The following F2 variants were observed in gnomAD, a reference collection of about 807,000 sequenced individuals.
The protein encoded by F2 is coagulation factor II, thrombin.
F2 carries 34 observed loss-of-function variants against 81.9 expected under a neutral mutation model. The ratio of observed to expected loss-of-function variants is 0.42; its 90% CI spans 0.32 to 0.55. The LOEUF (loss-of-function observed/expected upper bound fraction) is 0.55. Ranked by LOEUF, F2 falls within the 20% of genes least tolerant of loss-of-function variation. The pLI, the probability that F2 is intolerant of heterozygous loss-of-function variation, is 0.18. For synonymous variants in F2, 296 were observed against 326.4 expected (o/e 0.91, Z 1.01); for missense variants, 630 against 833.4 (o/e 0.76, Z 3.00).
chr11:46,729,557 T>G lies in F2; in HGVS notation c.1650T>G (p.Cys550Trp), dbSNP rs1485299512. The G allele has an allele frequency of 1.2e-6, 2 of 1,612,502 alleles. No homozygotes were observed. Among genetic ancestry groups the G allele is most frequent in the Non-Finnish European group, 1.7e-6 (2 of 1,178,888 alleles). The change falls in exon 12 of 14, where the codon TGT becomes TGG. Residue 550 changes from cysteine (C) to tryptophan (W), a missense_variant. By Grantham distance (215) the Cys-to-Trp change is radical (BLOSUM62 -2). Transcript: ENST00000311907. ...TCCGCATCACTGACAACATGTTCTG[T>G]GCTGGCAAGTCTGTGCAGGGCGGGC... ...TRIRITDNMFCAGYKPDEGKR... is the reference protein window; with the variant it reads ...TRIRITDNMFWAGYKPDEGKR...
chr11:46,726,558 A>G lies in F2; in HGVS notation c.935A>G (p.Glu312Gly), dbSNP rs1158727327. ...GLDEDSDRAI[E>G]GRTATSEYQT... ...GATGAGGACTCAGACAGGGCCATCG[A>G]AGGGCGTACCGCCACCAGTGAGTAC... Residue 312 changes from glutamate (E) to glycine (G), a missense_variant, in exon 8 of 14, where the codon GAA becomes GGA. Physicochemically the swap from Glu to Gly is moderately conservative, Grantham distance 98. Coordinates refer to ENST00000311907, the MANE Select transcript of F2 (RefSeq NM_000506.5). This position sits in a 1 kb window ranked among gnomAD's most constrained non-coding sequence, Gnocchi z 5.9. 1 of 1,614,118 alleles carries G rather than the reference A, an allele frequency of 6.2e-7. No individual in the cohort carries two copies. The highest frequency in any genetic ancestry group is 1.7e-5 in the Admixed American group (1 of 60,028).
At position 46,726,347 on chromosome 11, in the gene F2, C is replaced by G; in HGVS notation, c.875-151C>G. 1 of 1,457,728 alleles carries G rather than the reference C, an allele frequency of 6.9e-7. No individual in the cohort carries two copies. Among genetic ancestry groups the G allele is most frequent in the Non-Finnish European group, 9.3e-7 (1 of 1,070,216 alleles). 90.3% of individuals were successfully genotyped at this position (1,457,728 alleles called of 1,614,324 possible). The stretch of plus-strand genomic sequence containing the variant: ...TTTCACAGATAAGTACACTGAGGCC[C>G]CAGGAGGTTATTGCCTAGTAGCCCA... On this transcript the variant is annotated intron_variant, in intron 7 of 13. Transcript: ENST00000311907. The surrounding 1 kb of genome is among the most constrained non-coding windows in gnomAD (Gnocchi z 5.9).
At chr11:46,729,097 G>A (rs2064894383) in intron 11 of F2, among the ~76,000 whole-genome samples, 1 of 152,102 alleles carries the variant, frequency 6.6e-6, no homozygotes, top group Admixed American at 6.6e-5. Context: ...CTGGGTTCAA[G>A]CGACTCTCCT....
intron 12 of F2, among the ~76,000 whole-genome samples, chr11:46,734,883 G>A (rs1397596014): frequency 2.0e-5 from 3 of 152,128 alleles, no homozygotes; most frequent in Non-Finnish European, 4.4e-5. Context: ...ATTCACTCAT[G>A]TTTTCTTCTA....
chr11:46,725,082 T>G (rs575860929), intron 6 of F2, among the ~76,000 whole-genome samples: 5 of 136,226 alleles, frequency 3.7e-5, no homozygotes, highest in Non-Finnish European at 6.3e-5. Context: ...TTTTTTTTTT[T>G]TTTTTGAGAT....
At chr11:46,720,665 C>G in intron 3 of F2, 118 bp downstream of exon 3, 2 of 1,497,166 alleles carry the variant, frequency 1.3e-6, no homozygotes, top group African/African-American at 1.4e-5. Context: ...CTTCCCCACT[C>G]CTTCCTTGGT....
intron 12 of F2, among the ~76,000 whole-genome samples, chr11:46,737,892 GGC>G (rs1333683242): frequency 1.3e-4 from 19 of 150,752 alleles, no homozygotes; most frequent in Non-Finnish European, 2.5e-4. Context: ...GGAGTGCAGT[GGC>G]ACAGTCATAG....
At chr11:46,721,695 A>G (rs1415723271) in intron 4 of F2, among the ~76,000 whole-genome samples, 1 of 151,986 alleles carries the variant, frequency 6.6e-6, no homozygotes, top group Non-Finnish European at 1.5e-5. Flanking sequence ...CAAAAATGGA[A>G]CTCTTTGTTT....
At chr11:46,729,275 C>T (rs2064895581) in intron 11 of F2, 105 bp from the exon 12 acceptor site, 1 of 1,307,802 alleles carries the variant, frequency 7.6e-7, no homozygotes, top group Non-Finnish European at 1.1e-6. Flanking sequence ...CGTCTGTGCC[C>T]AGCCAGCTCT....
At position 46,728,904 on chromosome 11, in the gene F2, G is replaced by C; in HGVS notation, c.1472+67G>C. ...GTTCTGGGCCTGGCTCTGATACCAAGTAGCCTTGCAAGAGCCCCTTTCCCT... is the reference window on the plus strand; with the variant it reads ...GTTCTGGGCCTGGCTCTGATACCAACTAGCCTTGCAAGAGCCCCTTTCCCT... On this transcript the variant is annotated intron_variant, in intron 11 of 13. Coordinates refer to ENST00000311907, the MANE Select transcript of F2 (RefSeq NM_000506.5). The surrounding 1 kb of genome is among the most constrained non-coding windows in gnomAD (Gnocchi z 5.1). 6.4e-7 allele frequency: 1 copy of C among 1,572,244 alleles called. No homozygotes were observed. The highest frequency in any genetic ancestry group is 8.7e-7 in the Non-Finnish European group (1 of 1,147,230).
chr11:46,725,963 C>T lies in F2; in HGVS notation c.664C>T (p.Gln222Ter). ...TGTCCCTGATCGGGGGCAGCAGTAC[C>T]AGGGGCGCCTGGCGGTGACCACACA... ...QCVPDRGQQY[Q>*]GRLAVTTHGL... is the part of the protein sequence containing the mutation. Residue 222 changes from glutamine to a stop codon, truncating the protein, a stop_gained, in exon 7 of 14, where the codon CAG becomes TAG. Coordinates refer to ENST00000311907, the MANE Select transcript of F2 (RefSeq NM_000506.5). LOFTEE classifies it high-confidence loss of function. 1.2e-6 allele frequency: 2 copies of T among 1,613,950 alleles called. No homozygotes were observed. The highest frequency in any genetic ancestry group is 1.7e-6 in the Non-Finnish European group (2 of 1,180,022).
At position 46,725,991 on chromosome 11, in the gene F2, G is replaced by C; in HGVS notation, c.692G>C (p.Gly231Ala). The change falls in exon 7 of 14, where the codon GGG (glycine) becomes GCG (alanine). Residue 231 changes from glycine to alanine, a missense_variant. Gly to Ala is a moderately conservative substitution (Grantham distance 60, BLOSUM62 0). Transcript: ENST00000311907. The stretch of plus-strand genomic sequence containing the variant: ...GGGCGCCTGGCGGTGACCACACATG[G>C]GCTCCCCTGCCTGGCCTGGGCCAGC... ...YQGRLAVTTH[G>A]LPCLAWASAQ... is the part of the protein sequence containing the mutation. 6.2e-7 allele frequency: 1 copy of C among 1,613,936 alleles called. No homozygotes were observed. The highest frequency in any genetic ancestry group is 1.3e-5 in the African/African-American group (1 of 75,048).
At position 46,719,961 on chromosome 11, in the gene F2, C is replaced by G. The variant is rs1211924529; in HGVS notation, c.240+99C>G. The stretch of plus-strand genomic sequence containing the variant: ...AGCGAGGAACGCCACAGCCCCTTCG[C>G]TGCTCACAGCCTCATTTCAACTCTG... On this transcript the variant is annotated intron_variant, in intron 2 of 13. Coordinates refer to ENST00000311907, the MANE Select transcript of F2 (RefSeq NM_000506.5). The surrounding 1 kb of genome is among the most constrained non-coding windows in gnomAD (Gnocchi z 4.7). 2.7e-6 allele frequency: 4 copies of G among 1,456,168 alleles called. No individual in the cohort carries two copies. The African/African-American group carries it at 5.6e-5, about 20-fold the overall frequency. 90.2% of individuals were successfully genotyped at this position (1,456,168 alleles called of 1,614,324 possible). A position where few individuals can be genotyped will look rare whatever the true frequency, so the allele number is the denominator to read the frequency against.
intron 12 of F2, among the ~76,000 whole-genome samples, chr11:46,730,511 G>A (rs900647374): frequency 6.6e-6 from 1 of 151,710 alleles, no homozygotes; most frequent in Non-Finnish European, 1.5e-5. Flanking sequence ...GGGAGGCCTG[G>A]GGGGCTGAGG....
At position 46,726,913 on chromosome 11, in the gene F2, C is replaced by G. The variant is rs2064878195; in HGVS notation, c.1130+76C>G. On this transcript the variant is annotated intron_variant, in intron 9 of 13. Coordinates refer to ENST00000311907, the MANE Select transcript of F2 (RefSeq NM_000506.5). The surrounding 1 kb of genome is among the most constrained non-coding windows in gnomAD (Gnocchi z 5.9). ...GCTGGACCCCCACCCTCAGGCCCTG[C>G]CTGCAGGCCTGGGCTTTACAGATGA... 6.3e-7 allele frequency: 1 copy of G among 1,599,532 alleles called. No individual in the cohort carries two copies. The highest frequency in any genetic ancestry group is 8.5e-7 in the Non-Finnish European group (1 of 1,169,904).
At position 46,726,774 on chromosome 11, in the gene F2, T is replaced by C. The variant is rs756068934; in HGVS notation, c.1067T>C (p.Leu356Pro). 2 of 1,614,228 alleles carry C rather than the reference T, an allele frequency of 1.2e-6. No individual in the cohort carries two copies. Among genetic ancestry groups the C allele is most frequent in the Admixed American group, 3.3e-5 (2 of 60,026 alleles). ...SLEDKTEREL[L>P]ESYIDGRIVE... The stretch of plus-strand genomic sequence containing the variant: ...GAGGACAAAACCGAAAGAGAGCTCC[T>C]GGAATCCTACATCGACGGGCGCATT... The change falls in exon 9 of 14, where the codon CTG (leucine) becomes CCG (proline). Residue 356 changes from leucine to proline, a missense_variant. Physicochemically the swap from Leu to Pro is moderately conservative, Grantham distance 98. Coordinates refer to ENST00000311907, the MANE Select transcript of F2 (RefSeq NM_000506.5). This position sits in a 1 kb window ranked among gnomAD's most constrained non-coding sequence, Gnocchi z 5.9.
chr11:46,724,827 G>T (rs2064861281), intron 6 of F2, among the ~76,000 whole-genome samples: 1 of 151,636 alleles, frequency 6.6e-6, no homozygotes, highest in African/African-American at 2.4e-5. Context: ...TTGGAGTGCA[G>T]TGGCCCTATC....
intron 3 of F2, 87 bp from the exon 4 acceptor site, chr11:46,720,703 G>A (rs2064830750): frequency 1.3e-6 from 2 of 1,552,514 alleles, no homozygotes; most frequent in Non-Finnish European, 1.8e-6. Flanking sequence ...CCATCTTTCT[G>A]TTTCTCACCA....
At position 46,725,086 on chromosome 11, in the gene F2, T is replaced by TTTC; in HGVS notation, c.560-772_560-771insTCT. ...CGCCCGGCCTTTTTTTTTTTTTTTT[T>TTTC]TGAGATGGAGTCTCACTCTGTCACC... On this transcript the variant is annotated intron_variant, in intron 6 of 13. Transcript: ENST00000311907. 1.5e-5 allele frequency among the ~76,000 whole-genome samples: 2 copies of TTTC among 134,024 alleles called. 1 individual carries two copies. The highest frequency in any genetic ancestry group is 6.5e-4 in the East Asian group (2 of 3,054). The allele number at this position is 134,024 out of a possible 152,430, so 87.9% of individuals were successfully genotyped here.
Sources: gnomAD v4.1 joint callset for allele counts (sites outside exome capture counted in the v4.1 genomes callset) on GRCh38, gnomAD v4.1.1 for gene constraint, Gnocchi (gnomAD v3.1) non-coding constraint, MANE v1.5 for transcripts, NCBI Gene and HGNC (gene_info 2026-07-23, HGNC 2026-07-21) for gene names.